The following DLGAP4 variants were observed in gnomAD, a reference collection of about 807,000 sequenced individuals.
DLGAP4 encodes disks large-associated protein 4.
Under a neutral mutation model 86.9 loss-of-function variants are expected in DLGAP4, and 18 were observed. That is an observed-to-expected ratio of 0.21 (90% CI 0.14 to 0.31). DLGAP4 has a LOEUF of 0.31. DLGAP4 is among the 10% of genes least tolerant of loss of function. DLGAP4 has a pLI of 1.00. For missense variants in DLGAP4, 1,085 were observed against 1,362.6 expected (o/e 0.80, Z 3.21); for synonymous variants, 548 against 574.3 (o/e 0.95, Z 0.65).
intron 7 of DLGAP4, among the ~76,000 whole-genome samples, chr20:36,485,769 C>T (rs551240612): frequency 1.3e-5 from 2 of 152,316 alleles, no homozygotes; most frequent in Non-Finnish European, 2.9e-5. Context: ...CCCAGGCCTC[C>T]GTAATGATTC....
At chr20:36,343,572 G>C (rs2065406164) in intron 1 of DLGAP4, among the ~76,000 whole-genome samples, 1 of 152,070 alleles carries the variant, frequency 6.6e-6, no homozygotes, top group Admixed American at 6.5e-5. Context: ...GGAGGTGAAA[G>C]CTGCACCTCC....
intron 3 of DLGAP4, among the ~76,000 whole-genome samples, chr20:36,435,493 GAGTCCCTGA>G (rs2033248077): frequency 6.6e-6 from 1 of 152,218 alleles, no homozygotes; most frequent in South Asian, 2.1e-4. Context: ...TCCACGGACG[GAGTCCCTGA>G]AGTTCAGATG....
intron 1 of DLGAP4, among the ~76,000 whole-genome samples, chr20:36,325,879 G>A (rs1451125262): frequency 2.0e-5 from 3 of 151,826 alleles, no homozygotes; most frequent in Non-Finnish European, 4.4e-5. Flanking sequence ...CACCATGCCT[G>A]GCTGATTTTT....
At chr20:36,364,258 A>G (rs1300058634) in intron 1 of DLGAP4, among the ~76,000 whole-genome samples, 2 of 152,126 alleles carry the variant, frequency 1.3e-5, no homozygotes, top group Admixed American at 6.6e-5. Context: ...CAAAAGTTAA[A>G]AAACTAACTT....
At chr20:36,386,285 T>C (rs2031593914) in intron 2 of DLGAP4, among the ~76,000 whole-genome samples, 1 of 151,708 alleles carries the variant, frequency 6.6e-6, no homozygotes, top group African/African-American at 2.4e-5. Flanking sequence ...GTTCCTTGCA[T>C]AGCAAGGATA....
At chr20:36,481,062 C>G (rs146375426) in intron 7 of DLGAP4, among the ~76,000 whole-genome samples, 3 of 152,266 alleles carry the variant, frequency 2.0e-5, no homozygotes, top group Non-Finnish European at 4.4e-5. Context: ...GTATCACGTC[C>G]AGAACTGGAT....
intron 7 of DLGAP4, among the ~76,000 whole-genome samples, chr20:36,472,277 G>A (rs1334828101): frequency 6.6e-6 from 1 of 152,092 alleles, no homozygotes; most frequent in Admixed American, 6.5e-5. Context: ...CAAGACGAGT[G>A]GATCACTTGA....
At chr20:36,404,596 G>A (rs750041906) in intron 2 of DLGAP4, among the ~76,000 whole-genome samples, 6 of 152,212 alleles carry the variant, frequency 3.9e-5, no homozygotes, top group Non-Finnish European at 7.3e-5. Flanking sequence ...ACGAGAGACC[G>A]TGAATGAGGG....
At chr20:36,368,602 G>T (rs1350560721) in intron 2 of DLGAP4, among the ~76,000 whole-genome samples, 1 of 152,170 alleles carries the variant, frequency 6.6e-6, no homozygotes, top group African/African-American at 2.4e-5. Context: ...GCAAATAGCC[G>T]TTGCTTTTGG....
Position 36,447,041 on chromosome 20 carries a change from A to G in DLGAP4, c.1648+104A>G, listed in dbSNP as rs374498807. On this transcript the variant is annotated intron_variant, in intron 7 of 12. Transcript: ENST00000339266. ...GAGGATACAGGGAGGAATCTGTCTCAGGCTGGCCCGCACCAGGGGGATGGT... is the reference window on the plus strand; with the variant it reads ...GAGGATACAGGGAGGAATCTGTCTCGGGCTGGCCCGCACCAGGGGGATGGT... The G allele has an allele frequency of 1.9e-4, 279 of 1,475,848 alleles. No individual in the cohort carries two copies. In the African/African-American group the frequency reaches 3.6e-3, roughly 19 times the overall value. The allele number at this position is 1,475,848 out of a possible 1,614,324, so 91.4% of individuals were successfully genotyped here.
At chr20:36,460,045 G>A (rs1352414286) in intron 7 of DLGAP4, among the ~76,000 whole-genome samples, 4 of 152,218 alleles carry the variant, frequency 2.6e-5, no homozygotes, top group Non-Finnish European at 4.4e-5. Context: ...AGAGGGAAAG[G>A]GACTTGTTCA....
At chr20:36,523,119 C>G (rs117465876) in intron 10 of DLGAP4, among the ~76,000 whole-genome samples, 2 of 152,164 alleles carry the variant, frequency 1.3e-5, no homozygotes, top group East Asian at 1.9e-4. Flanking sequence ...GGGTCTCACT[C>G]TGTCCCCCAG....
At chr20:36,409,257 C>T (rs1274292602) in intron 2 of DLGAP4, among the ~76,000 whole-genome samples, 1 of 151,900 alleles carries the variant, frequency 6.6e-6, no homozygotes, top group East Asian at 1.9e-4. Context: ...AGGCTGGCCT[C>T]GAACTCTTGG....
chr20:36,411,207 C>A lies in DLGAP4; in HGVS notation c.-72-20439C>A, dbSNP rs190357659. ...GTTTCACTATGTTGGCCAGGCTGGT[C>A]TCAAACTCGTGACCTCAGGTGATCC... On this transcript the variant is annotated intron_variant, in intron 2 of 12. Transcript: ENST00000339266. 2.2e-4 allele frequency among the ~76,000 whole-genome samples: 33 copies of A among 152,316 alleles called. No individual in the cohort carries two copies. The East Asian group carries it at 6.4e-3, about 29-fold the overall frequency.
At chr20:36,505,933 G>A (rs2036345763) in intron 10 of DLGAP4, among the ~76,000 whole-genome samples, 2 of 152,134 alleles carry the variant, frequency 1.3e-5, no homozygotes, top group African/African-American at 4.8e-5. Context: ...TCTCAGGGGT[G>A]GCAGATGGGA....
intron 10 of DLGAP4, among the ~76,000 whole-genome samples, chr20:36,515,752 T>C (rs2037000667): frequency 6.6e-6 from 1 of 152,228 alleles, no homozygotes; most frequent in Non-Finnish European, 1.5e-5. Flanking sequence ...TTTTTTCCTC[T>C]TTCTTCCCTT....
At chr20:36,363,638 A>G (rs782079785) in intron 1 of DLGAP4, among the ~76,000 whole-genome samples, 2 of 152,178 alleles carry the variant, frequency 1.3e-5, no homozygotes, top group African/African-American at 2.4e-5. Flanking sequence ...GAGCCACTTC[A>G]TAAAGAACTT....
At position 36,308,465 on chromosome 20, in the gene DLGAP4, CT is replaced by C. The variant is rs2065025106; in HGVS notation, c.-304+1954del. 6.6e-6 allele frequency among the ~76,000 whole-genome samples: 1 copy of C among 152,222 alleles called. No homozygotes were observed. The highest frequency in any genetic ancestry group is 1.5e-5 in the Non-Finnish European group (1 of 68,036). On this transcript the variant is annotated intron_variant, in intron 1 of 12. Transcript: ENST00000339266. This position sits in a 1 kb window ranked among gnomAD's most constrained non-coding sequence, Gnocchi z 4.5. ...CCCGGGTGCCAGCCTTGAGATGGAA[CT>C]GCAGGTCTGAGGGCTGTGCCCCGGG...
intron 1 of DLGAP4, among the ~76,000 whole-genome samples, chr20:36,347,483 T>G (rs1162613954): frequency 6.6e-6 from 1 of 151,970 alleles, no homozygotes; most frequent in Non-Finnish European, 1.5e-5. Context: ...ACCCACCATG[T>G]GCCAAGCCCT....
Sources: allele counts gnomAD v4.1 joint callset (sites outside exome capture counted in the v4.1 genomes callset), GRCh38; gene constraint gnomAD v4.1.1; non-coding constraint Gnocchi (gnomAD v3.1); transcripts MANE v1.5; gene names NCBI Gene and HGNC (gene_info 2026-07-23, HGNC 2026-07-21).